RFPL1: variants seen among roughly 807,000 people sequenced by gnomAD.
The protein encoded by RFPL1 is ret finger protein like 1, also known as ret finger protein-like 1.
Under a neutral mutation model 9.6 loss-of-function variants are expected in RFPL1, and 6 were observed. The ratio of observed to expected loss-of-function variants is 0.62; its 90% CI spans 0.34 to 1.23. The LOEUF (loss-of-function observed/expected upper bound fraction) is 1.23, where lower values mean the gene tolerates loss of function less well. RFPL1 is among the 50% of genes most tolerant of loss of function. RFPL1 has a pLI of 0.03. For missense variants in RFPL1, 352 were observed against 398.4 expected (o/e 0.88, Z 0.99); for synonymous variants, 145 against 149.4 (o/e 0.97, Z 0.22).
At chr22:29,437,707 A>T (rs920428713), upstream of RFPL1, 3 of 1,586,444 alleles carry the variant, frequency 1.9e-6, no homozygotes, top group African/African-American at 4.1e-5. Context: ...CAGCTGGAGG[A>T]CAGAGGAGCT....
At chr22:29,431,621 C>T in the RFPL1 span, among the ~76,000 whole-genome samples, 1 of 151,854 alleles carries the variant, frequency 6.6e-6, no homozygotes, top group Admixed American at 6.6e-5. Flanking sequence ...CTAGTAGCCA[C>T]ATTAAATTAC....
chr22:29,417,118 G>A, the RFPL1 span, among the ~76,000 whole-genome samples: 8 of 152,060 alleles, frequency 5.3e-5, no homozygotes, highest in African/African-American at 1.4e-4. Flanking sequence ...GGAAGATGAC[G>A]CACCAGGAAG....
the RFPL1 span, among the ~76,000 whole-genome samples, chr22:29,426,680 G>C: frequency 6.6e-6 from 1 of 152,198 alleles, no homozygotes; most frequent in African/African-American, 2.4e-5. Context: ...ACCCGGAGGC[G>C]GAGATTGCGG....
chr22:29,424,639 A>G, the RFPL1 span, among the ~76,000 whole-genome samples: 1 of 142,594 alleles, frequency 7.0e-6, no homozygotes, highest in Admixed American at 7.3e-5. Context: ...ATTCCTTGAC[A>G]GTGGCTAAGG....
upstream of RFPL1, chr22:29,437,953 A>AC: frequency 3.8e-6 from 1 of 264,200 alleles, no homozygotes; most frequent in South Asian, 3.6e-5. Flanking sequence ...GAAGGATGTG[A>AC]TTTTTTTTTT....
At chr22:29,436,844 T>C (rs898486944), upstream of RFPL1, 23 of 152,130 alleles carry the variant, frequency 1.5e-4, no homozygotes, top group African/African-American at 4.1e-4. Context: ...TTTTTAATTA[T>C]GCAAAAAGAG....
the RFPL1 span, among the ~76,000 whole-genome samples, chr22:29,405,968 G>A: frequency 6.7e-6 from 1 of 150,306 alleles, no homozygotes; most frequent in Non-Finnish European, 1.5e-5. Flanking sequence ...AATTAGCCGG[G>A]CGCGGTGGCA....
the RFPL1 span, among the ~76,000 whole-genome samples, chr22:29,397,715 A>G: frequency 6.6e-6 from 1 of 152,198 alleles, no homozygotes; most frequent in Non-Finnish European, 1.5e-5. Context: ...ATAGGGTTAC[A>G]TGCTCCCAGG....
At chr22:29,405,355 A>G in the RFPL1 span, among the ~76,000 whole-genome samples, 1 of 152,200 alleles carries the variant, frequency 6.6e-6, no homozygotes, top group African/African-American at 2.4e-5. Flanking sequence ...GAATCACCTG[A>G]TGGGTGATTT....
chr22:29,410,463 T>TCTA, the RFPL1 span, among the ~76,000 whole-genome samples: 1 of 97,578 alleles, frequency 1.0e-5, no homozygotes, highest in African/African-American at 5.8e-5. Context: ...GATATATATA[T>TCTA]CTATATATAG....
chr22:29,410,626 G>GATATATCTATCTATAT, the RFPL1 span, among the ~76,000 whole-genome samples: 3 of 130,444 alleles, frequency 2.3e-5, no homozygotes, highest in South Asian at 2.4e-4. Context: ...TCTATATATA[G>GATATATCTATCTATAT]ATAGATATAT....
At chr22:29,392,378 C>CTTTTTTTTT in the RFPL1 span, among the ~76,000 whole-genome samples, 4 of 46,288 alleles carry the variant, frequency 8.6e-5, no homozygotes, top group Non-Finnish European at 1.2e-4. Flanking sequence ...CCACACCTGG[C>CTTTTTTTTT]TTTTTTTTTT....
At chr22:29,415,559 C>T in the RFPL1 span, among the ~76,000 whole-genome samples, 2 of 152,254 alleles carry the variant, frequency 1.3e-5, no homozygotes, top group Non-Finnish European at 2.9e-5. Flanking sequence ...CCTAAGCTGC[C>T]TAAGAGGCTG....
upstream of RFPL1, chr22:29,438,539 A>T: frequency 7.7e-7 from 1 of 1,296,688 alleles, no homozygotes; most frequent in Non-Finnish European, 1.0e-6. Context: ...TTCCCCTAGG[A>T]GGAGGTGAAA....
chr22:29,398,082 T>A, the RFPL1 span, among the ~76,000 whole-genome samples: 2 of 152,200 alleles, frequency 1.3e-5, no homozygotes, highest in Non-Finnish European at 2.9e-5. Flanking sequence ...TCATCCGCTC[T>A]ACCCTGGGCA....
the RFPL1 span, chr22:29,388,527 G>A: frequency 1.3e-5 from 2 of 152,170 alleles, no homozygotes; most frequent in Non-Finnish European, 2.9e-5. Flanking sequence ...GGCTGCCGGC[G>A]GCTCGGAGCC....
chr22:29,405,975 G>A, the RFPL1 span, among the ~76,000 whole-genome samples: 1 of 150,526 alleles, frequency 6.6e-6, no homozygotes, highest in Admixed American at 6.6e-5. Context: ...CGGGCGCGGT[G>A]GCAGGCGCCT....
chr22:29,406,671 C>T, the RFPL1 span, among the ~76,000 whole-genome samples: 2 of 152,220 alleles, frequency 1.3e-5, no homozygotes, highest in Non-Finnish European at 2.9e-5. Flanking sequence ...CGGTGCAAAC[C>T]GGGATCAAAA....
the RFPL1 span, among the ~76,000 whole-genome samples, chr22:29,391,964 GAT>G: frequency 6.6e-6 from 1 of 152,236 alleles, no homozygotes; most frequent in Admixed American, 6.5e-5. Flanking sequence ...AAGTGTGACT[GAT>G]GCTGTGAGAG....
Sources: gnomAD v4.1 joint callset for allele counts (sites outside exome capture counted in the v4.1 genomes callset) on GRCh38, gnomAD v4.1.1 for gene constraint, MANE v1.5 for transcripts, NCBI Gene and HGNC (gene_info 2026-07-23, HGNC 2026-07-21) for gene names.